The following NEDD4L variants were observed in gnomAD, a reference collection of about 807,000 sequenced individuals.
The protein encoded by NEDD4L is NEDD4 like E3 ubiquitin protein ligase, also known as E3 ubiquitin-protein ligase NEDD4-like.
NEDD4L carries 54 observed loss-of-function variants against 148.9 expected under a neutral mutation model. That is an observed-to-expected ratio of 0.36 (90% confidence interval 0.29 to 0.45). The LOEUF is 0.45. Ranked by LOEUF, NEDD4L falls within the 20% of genes least tolerant of loss-of-function variation. The pLI, the probability that NEDD4L is intolerant of heterozygous loss-of-function variation, is 1.00. For missense variants in NEDD4L, 856 were observed against 1,233.8 expected, an observed-to-expected ratio of 0.69 and a Z score of 4.59; for synonymous variants, 433 against 440.7, an observed-to-expected ratio of 0.98 and a Z score of 0.22.
intron 10 of NEDD4L, 99 bp from the exon 11 acceptor site, chr18:58,330,639 G>A: frequency 1.1e-6 from 1 of 896,764 alleles, no homozygotes; most frequent in Non-Finnish European, 1.6e-6. Flanking sequence ...GTTAATTATA[G>A]TTATCACCGG....
intron 30 of NEDD4L, among the ~76,000 whole-genome samples, chr18:58,393,261 C>T (rs1568955082): frequency 6.6e-6 from 1 of 152,192 alleles, no homozygotes; most frequent in Non-Finnish European, 1.5e-5. Context: ...CCTCTGAACT[C>T]AGTGGTTCTC....
At chr18:58,396,144 T>G in intron 30 of NEDD4L, 23 bp from the exon 31 acceptor site, 1 of 1,549,094 alleles carries the variant, frequency 6.5e-7, no homozygotes, top group Non-Finnish European at 8.9e-7. Context: ...GCTTTTCACC[T>G]ACACTTTTTG....
rs1194682690 is a variant in NEDD4L, at chr18:58,343,034, C to G, written c.1506C>G (p.Gly502=). Residue 502 remains glycine, a synonymous_variant, in exon 16 of 31, where the codon GGC becomes GGG. Coordinates refer to ENST00000400345, the MANE Select transcript of NEDD4L (RefSeq NM_001144967.3). The part of the protein sequence containing the change: ...HKVTQSFLPP[G]WEMRIAPNGR... ...TCACACAGAGCTTCTTGCCACCCGG[C>G]TGGGAAATGAGGATAGCGCCAAACG... The G allele has an allele frequency of 6.2e-7, 1 of 1,613,526 alleles. No individual in the cohort carries two copies. The highest frequency in any genetic ancestry group is 8.5e-7 in the Non-Finnish European group (1 of 1,179,648).
intron 3 of NEDD4L, among the ~76,000 whole-genome samples, chr18:58,245,885 A>G (rs1199515602): frequency 1.5e-5 from 2 of 135,516 alleles, no homozygotes; most frequent in African/African-American, 5.6e-5. Context: ...TTTAGTAGAG[A>G]CAGGGTTTCA....
At chr18:58,222,761 A>G (rs1285320562) in intron 2 of NEDD4L, among the ~76,000 whole-genome samples, 1 of 152,238 alleles carries the variant, frequency 6.6e-6, no homozygotes, top group Non-Finnish European at 1.5e-5. Flanking sequence ...TATCAACAAT[A>G]TGAAATATCA....
In NEDD4L at chr18:58,247,240, G is replaced by C. The variant is rs553532027; in HGVS notation, c.205-1659G>C. 3 of 152,298 alleles carry C rather than the reference G, an allele frequency of 2.0e-5. No individual in the cohort carries two copies. The East Asian group carries it at 5.8e-4, about 29-fold the overall frequency. 9.4% of individuals were successfully genotyped at this position (152,298 alleles called of 1,614,324 possible). ...CATGCAGGCACCCAGGATGCAGCCA[G>C]GTCCTTTTGTGTAAGGAACCGTAAC... On this transcript the variant is annotated intron_variant, in intron 3 of 30. Transcript: ENST00000400345.
chr18:58,241,896 G>A (rs1432581971), intron 2 of NEDD4L, among the ~76,000 whole-genome samples: 1 of 152,054 alleles, frequency 6.6e-6, no homozygotes, highest in Non-Finnish European at 1.5e-5. Context: ...TTGCAAAATA[G>A]AATTTGCCTT....
At chr18:58,282,952 TGTCGTCACCA>T (rs2053377066) in intron 5 of NEDD4L, among the ~76,000 whole-genome samples, 1 of 152,210 alleles carries the variant, frequency 6.6e-6, no homozygotes. Context: ...CAGAATTATC[TGTCGTCACCA>T]AGAGTCCCCA....
intron 2 of NEDD4L, among the ~76,000 whole-genome samples, chr18:58,166,324 G>T (rs2036839745): frequency 6.6e-6 from 1 of 152,212 alleles, no homozygotes; most frequent in Non-Finnish European, 1.5e-5. Flanking sequence ...ATTTCTAGAA[G>T]TACCAGCAGG....
chr18:58,071,835 A>G (rs573266163), intron 1 of NEDD4L, among the ~76,000 whole-genome samples: 2 of 152,220 alleles, frequency 1.3e-5, no homozygotes, highest in Non-Finnish European at 2.9e-5. Flanking sequence ...GGGAACTCCC[A>G]TTTATAAAAC....
At chr18:58,187,191 G>T (rs2039573873) in intron 2 of NEDD4L, among the ~76,000 whole-genome samples, 1 of 152,236 alleles carries the variant, frequency 6.6e-6, no homozygotes, top group Non-Finnish European at 1.5e-5. Flanking sequence ...TCCAGTCTTT[G>T]TTGGCCAGCA....
At position 58,373,169 on chromosome 18, in the gene NEDD4L, T is replaced by G. The variant is rs1442309468; in HGVS notation, c.2257-5T>G. 6.6e-7 allele frequency: 1 copy of G among 1,511,870 alleles called. No homozygotes were observed. The highest frequency in any genetic ancestry group is 1.2e-5 in the South Asian group (1 of 83,568). The allele number at this position is 1,511,870 out of a possible 1,614,324, so 93.7% of individuals were successfully genotyped here. A position where few individuals can be genotyped will look rare whatever the true frequency, so the allele number is the denominator to read the frequency against. On this transcript the variant is annotated splice_polypyrimidine_tract_variant and splice_region_variant and intron_variant, in intron 23 of 30. Transcript: ENST00000400345. ...CTGAATTTTCACTCCTGTGTCATTC[T>G]GTAGGATAGTGAATATTACAACTCT...
At chr18:58,373,100 GTAAT>G (rs2047111263) in intron 23 of NEDD4L, 70 bp from the exon 24 acceptor site, 1 of 780,438 alleles carries the variant, frequency 1.3e-6, no homozygotes, top group Non-Finnish European at 2.2e-6. Flanking sequence ...ACATTAGAAT[GTAAT>G]TAAAGAAGTC....
At chr18:58,340,033 C>T (rs529678012) in intron 13 of NEDD4L, among the ~76,000 whole-genome samples, 33 of 152,316 alleles carry the variant, frequency 2.2e-4, no homozygotes, top group Non-Finnish European at 4.1e-4. Context: ...CCTCCTATAC[C>T]TTTAGATTCC....
At chr18:58,347,226 C>CCCCCG (rs1568793163) in intron 16 of NEDD4L, among the ~76,000 whole-genome samples, 1 of 119,648 alleles carries the variant, frequency 8.4e-6, no homozygotes, top group African/African-American at 3.2e-5. Flanking sequence ...CCCCCCCCCC[C>CCCCCG]CTTTAAATCA....
At chr18:58,173,593 C>G (rs1243111471) in intron 2 of NEDD4L, among the ~76,000 whole-genome samples, 1 of 152,274 alleles carries the variant, frequency 6.6e-6, no homozygotes, top group East Asian at 1.9e-4. Flanking sequence ...ACCTCAGTCC[C>G]CTTTACCTAG....
intron 2 of NEDD4L, among the ~76,000 whole-genome samples, chr18:58,216,558 A>G (rs528768414): frequency 6.6e-6 from 1 of 152,234 alleles, no homozygotes; most frequent in Admixed American, 6.5e-5. Flanking sequence ...AAATTTGGGG[A>G]TGGAGCCCTT....
intron 18 of NEDD4L, among the ~76,000 whole-genome samples, chr18:58,352,513 G>A (rs1380439598): frequency 6.6e-6 from 1 of 152,138 alleles, no homozygotes; most frequent in East Asian, 1.9e-4. Flanking sequence ...GTAAAAACTA[G>A]CTGGGTGTGG....
chr18:58,218,912 G>A (rs912148942), intron 2 of NEDD4L, among the ~76,000 whole-genome samples: 5 of 152,194 alleles, frequency 3.3e-5, no homozygotes, highest in African/African-American at 4.8e-5. Context: ...TATTGTGAAG[G>A]CAGTGGTGGT....
Sources: allele counts gnomAD v4.1 joint callset (sites outside exome capture counted in the v4.1 genomes callset), GRCh38; gene constraint gnomAD v4.1.1; transcripts MANE v1.5; gene names NCBI Gene and HGNC (gene_info 2026-07-23, HGNC 2026-07-21).